SLC1A1: variants seen among roughly 807,000 people sequenced by gnomAD.
SLC1A1 encodes excitatory amino acid transporter 3.
Under a neutral mutation model 53.3 loss-of-function variants are expected in SLC1A1, and 43 were observed. That is an observed-to-expected ratio of 0.81 (90% CI 0.63 to 1.04). The LOEUF is 1.04. Ranked by LOEUF, SLC1A1 falls within the 50% of genes least tolerant of loss-of-function variation. SLC1A1 has a pLI of 0.00. For missense variants in SLC1A1, 748 were observed against 664.9 expected, an observed-to-expected ratio of 1.12 and a Z score of -1.37; for synonymous variants, 307 against 243.2, an observed-to-expected ratio of 1.26 and a Z score of -2.44.
intron 1 of SLC1A1, among the ~76,000 whole-genome samples, chr9:4,514,745 T>G (rs570439683): frequency 1.3e-5 from 2 of 152,186 alleles, no homozygotes; most frequent in South Asian, 2.1e-4. Context: ...TCCGCCAGAT[T>G]TGCATCCTGG....
chr9:4,500,165 C>T (rs1319140207), intron 1 of SLC1A1, among the ~76,000 whole-genome samples: 6 of 152,186 alleles, frequency 3.9e-5, no homozygotes, highest in African/African-American at 1.4e-4. Context: ...TCCCGTGTCG[C>T]TGGAGATTTG....
At chr9:4,494,730 C>A (rs1448190542) in intron 1 of SLC1A1, among the ~76,000 whole-genome samples, 1 of 151,924 alleles carries the variant, frequency 6.6e-6, no homozygotes, top group Non-Finnish European at 1.5e-5. Context: ...TCTGTCCAAG[C>A]AGAATTACTG....
In SLC1A1 at chr9:4,586,654, C is replaced by T. The variant is rs932930603; in HGVS notation, c.*1096C>T. 3 of 152,220 alleles carry T rather than the reference C, an allele frequency of 2.0e-5. No individual in the cohort carries two copies. The highest frequency in any genetic ancestry group is 4.4e-5 in the Non-Finnish European group (3 of 68,044). The allele number at this position is 152,220 out of a possible 1,614,324, so 9.4% of individuals were successfully genotyped here. A position where few individuals can be genotyped will look rare whatever the true frequency, so the allele number is the denominator to read the frequency against. The stretch of plus-strand genomic sequence containing the variant: ...AGGCCAGTACTTTGCCATCCTTGCA[C>T]TTCTGTTATCAGGGCCCAAATAACA... On this transcript the variant is annotated 3_prime_UTR_variant, in exon 12 of 12. Coordinates refer to ENST00000262352, the MANE Select transcript of SLC1A1 (RefSeq NM_004170.6).
At chr9:4,528,977 C>T (rs1056722017) in intron 1 of SLC1A1, among the ~76,000 whole-genome samples, 1 of 152,126 alleles carries the variant, frequency 6.6e-6, no homozygotes, top group Non-Finnish European at 1.5e-5. Context: ...CACCCTGTTA[C>T]CCAAGCTAGA....
At chr9:4,557,964 T>A (rs1395207531) in intron 2 of SLC1A1, among the ~76,000 whole-genome samples, 1 of 152,184 alleles carries the variant, frequency 6.6e-6, no homozygotes, top group East Asian at 1.9e-4. Flanking sequence ...AAAATGGGGG[T>A]AATAATGCCC....
intron 10 of SLC1A1, among the ~76,000 whole-genome samples, chr9:4,580,651 G>GTA (rs59136226): frequency 0.024 from 2,838 of 118,730 alleles, 116 homozygotes; most frequent in South Asian, 0.03. Flanking sequence ...GTGTGTGTGT[G>GTA]TATAAGGAAT....
At chr9:4,580,336 T>G (rs1820939766) in intron 10 of SLC1A1, among the ~76,000 whole-genome samples, 1 of 152,156 alleles carries the variant, frequency 6.6e-6, no homozygotes. Context: ...ATATCAGCAC[T>G]TTAAGAGGCC....
intron 2 of SLC1A1, among the ~76,000 whole-genome samples, chr9:4,554,549 A>G (rs1185558261): frequency 6.6e-6 from 1 of 152,184 alleles, no homozygotes; most frequent in East Asian, 1.9e-4. Flanking sequence ...AAGAGTGAGG[A>G]AGAGCACTCC....
chr9:4,582,110 G>A (rs1821153682), intron 10 of SLC1A1, among the ~76,000 whole-genome samples: 1 of 152,210 alleles, frequency 6.6e-6, no homozygotes, highest in African/African-American at 2.4e-5. Context: ...GCTTATCCAA[G>A]TCAAGGGATT....
intron 3 of SLC1A1, among the ~76,000 whole-genome samples, chr9:4,561,755 G>A (rs1407841126): frequency 6.6e-6 from 1 of 152,118 alleles, no homozygotes; most frequent in Admixed American, 6.5e-5. Context: ...GCCGGGTATG[G>A]TAACATGCGC....
chr9:4,530,571 G>T (rs1217801809), intron 1 of SLC1A1, among the ~76,000 whole-genome samples: 1 of 152,230 alleles, frequency 6.6e-6, no homozygotes, highest in Non-Finnish European at 1.5e-5. Flanking sequence ...GAGTCAGACC[G>T]AATTCTTAAT....
At chr9:4,575,661 C>G (rs955614039) in intron 8 of SLC1A1, among the ~76,000 whole-genome samples, 1 of 152,152 alleles carries the variant, frequency 6.6e-6, no homozygotes, top group South Asian at 2.1e-4. Flanking sequence ...AGGAGAAGAA[C>G]TGAGCAGCAA....
At chr9:4,510,892 C>G (rs531137097) in intron 1 of SLC1A1, among the ~76,000 whole-genome samples, 4 of 152,224 alleles carry the variant, frequency 2.6e-5, no homozygotes, top group Admixed American at 2.6e-4. Context: ...AGGGCTTCAG[C>G]TCCACCGTAA....
rs201494947 is a variant in SLC1A1, at chr9:4,561,049, GATAA to G, written c.233-397_233-394del. ...ACAACAAACGATCTCAGTTCTTTGA[GATAA>G]ATTTTTCCTAGATAACTGAATTCCA... On this transcript the variant is annotated intron_variant, in intron 2 of 11. Transcript: ENST00000262352. Among the ~76,000 whole-genome samples, 1,190 of 152,250 alleles carry G rather than the reference GATAA, an allele frequency of 7.8e-3. 14 individuals carry two copies. Among genetic ancestry groups the G allele is most frequent in the African/African-American group, 0.027 (1,126 of 41,536 alleles).
chr9:4,530,148 G>A (rs1338716768), intron 1 of SLC1A1, among the ~76,000 whole-genome samples: 1 of 152,078 alleles, frequency 6.6e-6, no homozygotes, highest in African/African-American at 2.4e-5. Flanking sequence ...GAGGTTTGTG[G>A]AGGGGGAGAA....
At chr9:4,537,768 G>T (rs1490614274) in intron 1 of SLC1A1, among the ~76,000 whole-genome samples, 5 of 152,044 alleles carry the variant, frequency 3.3e-5, no homozygotes, top group Non-Finnish European at 7.4e-5. Flanking sequence ...AGGAGCCCTT[G>T]GGGGTAGGGA....
intron 2 of SLC1A1, among the ~76,000 whole-genome samples, chr9:4,546,206 G>A (rs116177136): frequency 0.018 from 2,739 of 152,212 alleles, 85 homozygotes; most frequent in African/African-American, 0.062. Flanking sequence ...TGGTCTTGAT[G>A]TTCTCGGCTT....
chr9:4,544,024 A>G (rs1178454748), intron 1 of SLC1A1, among the ~76,000 whole-genome samples: 2 of 152,122 alleles, frequency 1.3e-5, no homozygotes, highest in African/African-American at 2.4e-5. Context: ...AAAAAAATAC[A>G]AAAATTAGCT....
intron 2 of SLC1A1, among the ~76,000 whole-genome samples, chr9:4,550,765 C>A (rs989773152): frequency 2.0e-5 from 3 of 152,150 alleles, no homozygotes; most frequent in African/African-American, 7.2e-5. Context: ...AAACAACAGC[C>A]AGATGTAGAA....
Sources: allele counts gnomAD v4.1 joint callset (sites outside exome capture counted in the v4.1 genomes callset), GRCh38; gene constraint gnomAD v4.1.1; transcripts MANE v1.5; gene names NCBI Gene and HGNC (gene_info 2026-07-23, HGNC 2026-07-21).